ANKS1B: variants seen among roughly 807,000 people sequenced by gnomAD.
ANKS1B encodes the protein ankyrin repeat and sterile alpha motif domain-containing protein 1B.
A neutral mutation model predicts 148.3 loss-of-function variants in ANKS1B; 36 were observed. The observed-to-expected ratio is 0.24, with a 90% CI of 0.19 to 0.32. The LOEUF is 0.32. Among genes scored for constraint, ANKS1B ranks in the 10% least tolerant of loss-of-function variants. The pLI is 1.00. For missense variants in ANKS1B, 1,157 were observed against 1,542.6 expected (o/e 0.75, Z 4.19); for synonymous variants, 542 against 560.8 (o/e 0.97, Z 0.47).
chr12:99,061,085 C>T (rs2042307711), intron 16 of ANKS1B, among the ~76,000 whole-genome samples: 1 of 152,102 alleles, frequency 6.6e-6, no homozygotes, highest in Non-Finnish European at 1.5e-5. Context: ...TAAACTTGTC[C>T]TCTCTTCTTC....
At chr12:99,742,477 CTAAG>C (rs945106632) in intron 8 of ANKS1B, among the ~76,000 whole-genome samples, 1 of 151,972 alleles carries the variant, frequency 6.6e-6, no homozygotes, top group Admixed American at 6.6e-5. Context: ...ATTTTTAAAT[CTAAG>C]TATGTCACTG....
intron 1 of ANKS1B, among the ~76,000 whole-genome samples, chr12:99,945,503 G>A (rs981514101): frequency 1.3e-5 from 2 of 152,034 alleles, no homozygotes; most frequent in Admixed American, 6.6e-5. Context: ...AACAAATTTG[G>A]GCTAGAATTA....
intron 1 of ANKS1B, among the ~76,000 whole-genome samples, chr12:99,934,621 T>C (rs2094711375): frequency 6.6e-6 from 1 of 152,174 alleles, no homozygotes; most frequent in Non-Finnish European, 1.5e-5. Context: ...ATGTCTGTTT[T>C]TTCATCTCTG....
chr12:99,221,759 G>A (rs1174012196), intron 14 of ANKS1B, among the ~76,000 whole-genome samples: 1 of 152,040 alleles, frequency 6.6e-6, no homozygotes, highest in Non-Finnish European at 1.5e-5. Context: ...GCTAAGGAGG[G>A]CAATTTGGCA....
chr12:99,928,274 T>TA (rs1566017366), intron 1 of ANKS1B, among the ~76,000 whole-genome samples: 4 of 82,580 alleles, frequency 4.8e-5, no homozygotes, highest in Admixed American at 1.0e-4. Context: ...TTATTTTATT[T>TA]TTTTTTTTTT....
intron 12 of ANKS1B, among the ~76,000 whole-genome samples, chr12:99,353,636 T>C (rs1330922717): frequency 6.6e-6 from 1 of 152,062 alleles, no homozygotes; most frequent in Non-Finnish European, 1.5e-5. Flanking sequence ...AATGTTGCTA[T>C]TATTTTCTTT....
In ANKS1B at chr12:98,812,258, C is replaced by A. The variant is rs151009301; in HGVS notation, c.3067-4340G>T. Among the ~76,000 whole-genome samples, 216 of 152,262 alleles carry A rather than the reference C, an allele frequency of 1.4e-3. 1 individual carries two copies. Among genetic ancestry groups the A allele is most frequent in the Admixed American group, 7.4e-3 (113 of 15,292 alleles). ...TGGAAGAAGTAAAGCTAGAGCCAGA[C>A]TTAGGTATGTTTAGATACACAAATA... On this transcript the variant is annotated intron_variant, in intron 19 of 26. Transcript: ENST00000683438.
chr12:99,136,487 A>T (rs1287044342), intron 15 of ANKS1B, among the ~76,000 whole-genome samples: 1 of 152,208 alleles, frequency 6.6e-6, no homozygotes, highest in African/African-American at 2.4e-5. Context: ...ACACAAAAAA[A>T]TTATATTTTG....
Position 99,246,593 on chromosome 12 carries a change from T to A in ANKS1B, c.2028A>T (p.Lys676Asn). The A allele has an allele frequency of 6.2e-7, 1 of 1,613,604 alleles. No homozygotes were observed. Reference protein sequence around the residue: ...PKVVSRTIFHKKSNQLENHTI... With the variant: ...PKVVSRTIFHNKSNQLENHTI... ...TATGGTTTTCGAGTTGGTTGCTTTTTTTGTGAAAAATTGTTCTACTGACCA... is the reference window on the plus strand; with the variant it reads ...TATGGTTTTCGAGTTGGTTGCTTTTATTGTGAAAAATTGTTCTACTGACCA... The change falls in exon 13 of 27, where the codon AAA becomes AAT. Residue 676 changes from lysine to asparagine, a missense_variant. Around this residue, in one of 6 missense-constraint regions of ANKS1B, gnomAD observed 661 missense variants for 642.1 expected, o/e 1.03. Coordinates refer to ENST00000683438, the MANE Select transcript of ANKS1B (RefSeq NM_001352186.2).
At chr12:99,052,958 A>T (rs1192901163) in intron 17 of ANKS1B, among the ~76,000 whole-genome samples, 199 bp downstream of exon 17, 1 of 152,116 alleles carries the variant, frequency 6.6e-6, no homozygotes, top group East Asian at 1.9e-4. Flanking sequence ...ATACCCTGGG[A>T]GTTCTCTCTT....
intron 14 of ANKS1B, among the ~76,000 whole-genome samples, chr12:99,195,391 T>A (rs2081267715): frequency 6.6e-6 from 1 of 152,154 alleles, no homozygotes; most frequent in African/African-American, 2.4e-5. Flanking sequence ...TGTCAAATGT[T>A]GATTTGGTCA....
intron 17 of ANKS1B, among the ~76,000 whole-genome samples, chr12:98,922,582 T>C (rs929223446): frequency 1.3e-5 from 2 of 152,186 alleles, no homozygotes; most frequent in Non-Finnish European, 1.5e-5. Flanking sequence ...CACTGCAACC[T>C]CTGCCTCCTG....
At chr12:98,834,500 A>C (rs929821974) in intron 17 of ANKS1B, among the ~76,000 whole-genome samples, 5 of 152,208 alleles carry the variant, frequency 3.3e-5, no homozygotes, top group African/African-American at 4.8e-5. Flanking sequence ...AATAGTTCAA[A>C]GCCCTTTAAT....
intron 14 of ANKS1B, among the ~76,000 whole-genome samples, chr12:99,208,456 T>G (rs2082937818): frequency 6.6e-6 from 1 of 152,182 alleles, no homozygotes; most frequent in East Asian, 1.9e-4. Context: ...TCTCTCACCT[T>G]TTAAAAGAGA....
intron 14 of ANKS1B, among the ~76,000 whole-genome samples, chr12:99,220,532 C>T (rs979831072): frequency 7.3e-5 from 11 of 149,662 alleles, no homozygotes; most frequent in Admixed American, 2.0e-4. Flanking sequence ...CTGCAAACTC[C>T]GCCTCCCAGG....
At chr12:99,523,551 CTT>C (rs71088130) in intron 9 of ANKS1B, among the ~76,000 whole-genome samples, 10 of 119,608 alleles carry the variant, frequency 8.4e-5, no homozygotes, top group African/African-American at 6.7e-5. Flanking sequence ...AAGGCATCTT[CTT>C]TTTTTTTTTT....
intron 8 of ANKS1B, among the ~76,000 whole-genome samples, chr12:99,727,312 T>C (rs914643528): frequency 7.2e-5 from 11 of 152,020 alleles, no homozygotes; most frequent in Admixed American, 7.2e-4. Flanking sequence ...AAAATCAATG[T>C]GCAAAAATCA....
At chr12:99,961,947 C>T (rs938871968) in intron 1 of ANKS1B, among the ~76,000 whole-genome samples, 3 of 152,068 alleles carry the variant, frequency 2.0e-5, no homozygotes, top group African/African-American at 7.2e-5. Flanking sequence ...AAAGGTCCTA[C>T]GTTATTAGAG....
At position 98,822,343 on chromosome 12, in the gene ANKS1B, T is replaced by C. The variant is rs992467616; in HGVS notation, c.3066+6831A>G. ...GAGAATAAGAACCAGAGAATTCTCC[T>C]ACCCTTGAAAATTTAGCAAGGGCAG... On this transcript the variant is annotated intron_variant, in intron 19 of 26. Coordinates refer to ENST00000683438, the MANE Select transcript of ANKS1B (RefSeq NM_001352186.2). Among the ~76,000 whole-genome samples, 13 of 152,310 alleles carry C rather than the reference T, an allele frequency of 8.5e-5. No homozygotes were observed. The East Asian group carries it at 2.5e-3, about 29-fold the overall frequency.
Sources: gnomAD v4.1 joint callset for allele counts (sites outside exome capture counted in the v4.1 genomes callset) on GRCh38, gnomAD v4.1.1 for gene constraint, gnomAD v4.1.1 regional missense constraint, MANE v1.5 for transcripts, NCBI Gene and HGNC (gene_info 2026-07-23, HGNC 2026-07-21) for gene names.